Variants in NRG1 observed in about 807,000 individuals in gnomAD.
NRG1 encodes the protein neuregulin 1.
A neutral mutation model predicts 63.8 loss-of-function variants in NRG1; 18 were observed. The observed-to-expected ratio is 0.28, with a 90% CI of 0.19 to 0.42. NRG1 has a LOEUF of 0.42. Among genes scored for constraint, NRG1 ranks in the 10% least tolerant of loss-of-function variants. The pLI is 1.00. For synonymous variants in NRG1, 302 were observed against 301.3 expected (o/e 1.00, Z -0.02); for missense variants, 762 against 814.7 (o/e 0.94, Z 0.79).
intron 1 of NRG1, among the ~76,000 whole-genome samples, chr8:32,182,271 G>A (rs1841513287): frequency 1.3e-5 from 2 of 151,790 alleles, no homozygotes; most frequent in African/African-American, 2.4e-5. Flanking sequence ...TTTTTCTACA[G>A]AGTCTCGCTC....
chr8:32,456,929 C>T (rs1038977547), intron 1 of NRG1, among the ~76,000 whole-genome samples: 14 of 152,132 alleles, frequency 9.2e-5, no homozygotes, highest in African/African-American at 2.6e-4. Context: ...ATCATGAGTT[C>T]GAGACCAGCC....
intron 6 of NRG1, 162 bp downstream of exon 6, chr8:32,728,240 A>G (rs1050877446): frequency 1.2e-5 from 12 of 985,276 alleles, no homozygotes; most frequent in East Asian, 2.3e-4. Flanking sequence ...ACCATTCGTC[A>G]TCACTCCTCT....
intron 1 of NRG1, among the ~76,000 whole-genome samples, chr8:31,743,858 G>A (rs1815571633): frequency 6.6e-6 from 1 of 151,886 alleles, no homozygotes; most frequent in Non-Finnish European, 1.5e-5. Flanking sequence ...AGCTTCTGTA[G>A]AAACATTGTA....
intron 1 of NRG1, among the ~76,000 whole-genome samples, chr8:31,901,232 A>T (rs531940801): frequency 6.6e-6 from 1 of 152,200 alleles, no homozygotes; most frequent in Non-Finnish European, 1.5e-5. Flanking sequence ...CACAAAAGCA[A>T]ATGATGATAT....
chr8:32,011,136 C>T (rs1490645332), intron 1 of NRG1, among the ~76,000 whole-genome samples: 6 of 152,042 alleles, frequency 3.9e-5, no homozygotes, highest in Non-Finnish European at 5.9e-5. Context: ...CAAATCTCTA[C>T]GGCTTCTCAC....
chr8:31,702,564 T>A (rs1448744441), intron 1 of NRG1, among the ~76,000 whole-genome samples: 3 of 152,030 alleles, frequency 2.0e-5, no homozygotes, highest in African/African-American at 4.8e-5. Context: ...TGGCCATTGG[T>A]CATTGCTAGC....
intron 11 of NRG1, among the ~76,000 whole-genome samples, chr8:32,761,356 G>A (rs1456896712): frequency 6.6e-6 from 1 of 152,036 alleles, no homozygotes. Flanking sequence ...ATACTTATGT[G>A]GTAGTTACAT....
chr8:32,668,425 T>C (rs1301920650), intron 5 of NRG1, among the ~76,000 whole-genome samples: 9 of 152,040 alleles, frequency 5.9e-5, no homozygotes, highest in Admixed American at 3.3e-4. Context: ...GAGTGTAGGT[T>C]ATTGAAGTGT....
At position 32,312,574 on chromosome 8, in the gene NRG1, G is replaced by A. The variant is rs1305391076; in HGVS notation, c.38-283254G>A. 2.6e-5 allele frequency among the ~76,000 whole-genome samples: 4 copies of A among 151,974 alleles called. No homozygotes were observed. The East Asian group carries it at 7.8e-4, about 30-fold the overall frequency. ...ATTCATGATACCACAAGGGAGGTGAGGTTTGTGCCATTTGCTCCATGTCAC... is the reference window on the plus strand; with the variant it reads ...ATTCATGATACCACAAGGGAGGTGAAGTTTGTGCCATTTGCTCCATGTCAC... On this transcript the variant is annotated intron_variant, in intron 1 of 10. Coordinates refer to the NRG1 transcript ENST00000519301.
chr8:32,369,607 A>G (rs1287753897), intron 1 of NRG1, among the ~76,000 whole-genome samples: 3 of 152,226 alleles, frequency 2.0e-5, no homozygotes, highest in Admixed American at 1.3e-4. Flanking sequence ...AGCAGTGTCC[A>G]GGTCTGCCCT....
At chr8:32,461,858 T>C (rs1486897101) in intron 1 of NRG1, among the ~76,000 whole-genome samples, 1 of 152,200 alleles carries the variant, frequency 6.6e-6, no homozygotes, top group African/African-American at 2.4e-5. Context: ...TAGAATAGCC[T>C]TAGATATCTA....
At chr8:32,061,120 T>C (rs890171288) in intron 1 of NRG1, among the ~76,000 whole-genome samples, 8 of 152,128 alleles carry the variant, frequency 5.3e-5, no homozygotes, top group African/African-American at 1.7e-4. Flanking sequence ...ATTTAACATA[T>C]AAATATTTAG....
At position 31,904,813 on chromosome 8, in the gene NRG1, T is replaced by C. The variant is rs536945860; in HGVS notation, c.37+265382T>C. Among the ~76,000 whole-genome samples the C allele has an allele frequency of 4.6e-5, 7 of 152,106 alleles. No homozygotes were observed. The South Asian group carries it at 1.5e-3, about 32-fold the overall frequency. The stretch of plus-strand genomic sequence containing the variant: ...ATGCTGAATGTTCCCACTTATAAGT[T>C]GGAGGTAAACACTGAGTACACCTGG... On this transcript the variant is annotated intron_variant, in intron 1 of 10. Transcript: ENST00000519301.
At chr8:32,031,866 G>T (rs1210993222) in intron 1 of NRG1, among the ~76,000 whole-genome samples, 18 of 152,134 alleles carry the variant, frequency 1.2e-4, no homozygotes, top group Admixed American at 1.2e-3. Context: ...TATCATTGAT[G>T]GGCATTTGGG....
chr8:32,079,802 T>C (rs1486533250), intron 1 of NRG1, among the ~76,000 whole-genome samples: 1 of 152,144 alleles, frequency 6.6e-6, no homozygotes, highest in South Asian at 2.1e-4. Context: ...CTGAATGATA[T>C]AGAAGAGAAA....
chr8:32,261,386 T>C (rs1432504194), intron 1 of NRG1, among the ~76,000 whole-genome samples: 1 of 150,892 alleles, frequency 6.6e-6, no homozygotes, highest in Non-Finnish European at 1.5e-5. Context: ...TGTGTGTGTG[T>C]GTGCTGGTGT....
At chr8:32,733,226 GT>G (rs1324964368) in intron 6 of NRG1, among the ~76,000 whole-genome samples, 11 of 152,042 alleles carry the variant, frequency 7.2e-5, no homozygotes, top group African/African-American at 2.4e-4. Context: ...CTGATCATTA[GT>G]TTCCTTATAA....
chr8:32,033,372 T>A (rs1294498254), intron 1 of NRG1, among the ~76,000 whole-genome samples: 1 of 152,170 alleles, frequency 6.6e-6, no homozygotes, highest in Non-Finnish European at 1.5e-5. Flanking sequence ...AGTTTGAAGT[T>A]GTATAGCATG....
chr8:32,504,042 C>T (rs1034924805), intron 1 of NRG1, among the ~76,000 whole-genome samples: 1 of 152,122 alleles, frequency 6.6e-6, no homozygotes. Flanking sequence ...GTATTTTTTC[C>T]CTTAGCAAAT....
Sources: allele counts gnomAD v4.1 joint callset (sites outside exome capture counted in the v4.1 genomes callset), GRCh38; gene constraint gnomAD v4.1.1; transcripts MANE v1.5; gene names NCBI Gene and HGNC (gene_info 2026-07-23, HGNC 2026-07-21).